Variants in IGF2R observed in about 807,000 individuals in gnomAD.
IGF2R encodes cation-independent mannose-6-phosphate receptor.
A neutral mutation model predicts 270.6 loss-of-function variants in IGF2R; 91 were observed. The ratio of observed to expected loss-of-function variants is 0.34; its 90% CI spans 0.28 to 0.40. The LOEUF (loss-of-function observed/expected upper bound fraction) is 0.40, where lower values mean the gene tolerates loss of function less well. IGF2R is among the 10% of genes least tolerant of loss of function. The pLI is 1.00. For synonymous variants in IGF2R, 1,316 were observed against 1,258.9 expected, an observed-to-expected ratio of 1.05 and a Z score of -0.96; for missense variants, 2,805 against 3,188.3, an observed-to-expected ratio of 0.88 and a Z score of 2.90.
chr6:160,064,253 A>G, intron 27 of IGF2R, 148 bp from the exon 28 acceptor site: 3 of 892,556 alleles, frequency 3.4e-6, no homozygotes, highest in South Asian at 1.4e-5. Flanking sequence ...CCAAAGTGTA[A>G]TGTGACAGGA....
rs1221030906 is a variant in IGF2R at position 160,058,076 on chromosome 6, A to G, written c.2850A>G (p.Leu950=). ...GATTTGTGTTTAATCTTAATCCGCT[A>G]AACAGTTCGCAAGGATATAACGTCT... ...NSGFVFNLNP[L]NSSQGYNVSG... is the part of the protein sequence containing the mutation. The change falls in exon 21 of 48, where the codon CTA becomes CTG. Residue 950 remains leucine (L), a synonymous_variant. Coordinates refer to ENST00000356956, the MANE Select transcript of IGF2R (RefSeq NM_000876.4). 5 of 1,613,860 alleles carry G rather than the reference A, an allele frequency of 3.1e-6. No homozygotes were observed. Among genetic ancestry groups the G allele is most frequent in the South Asian group, 1.1e-5 (1 of 91,066 alleles).
At chr6:159,975,742 T>TTA (rs201752009) in intron 1 of IGF2R, among the ~76,000 whole-genome samples, 8 of 147,152 alleles carry the variant, frequency 5.4e-5, no homozygotes, top group Non-Finnish European at 8.9e-5. Flanking sequence ...AGCATATTTA[T>TTA]TATATATATA....
At chr6:160,003,463 G>A (rs1784161519) in intron 2 of IGF2R, 1 of 152,152 alleles carries the variant, frequency 6.6e-6, no homozygotes, top group Non-Finnish European at 1.5e-5. Context: ...ACTATATGTA[G>A]ATATTTGTAC....
At chr6:160,066,012 G>GTTT (rs561582188) in intron 29 of IGF2R, among the ~76,000 whole-genome samples, 1 of 118,356 alleles carries the variant, frequency 8.4e-6, no homozygotes, top group Non-Finnish European at 1.8e-5. Flanking sequence ...TTTTTGTGGT[G>GTTT]TTTTTTTTTT....
In IGF2R at chr6:160,062,632, C is replaced by T. The variant is rs746920694; in HGVS notation, c.3670+13C>T. On this transcript the variant is annotated intron_variant, in intron 26 of 47. Coordinates refer to ENST00000356956, the MANE Select transcript of IGF2R (RefSeq NM_000876.4). ...GTCAGAGTGGAAGGTAGGACTGGGC[C>T]TGTCCCTACAAGTCATTTTAAATGT... The T allele has an allele frequency of 6.3e-7, 1 of 1,592,222 alleles. No individual in the cohort carries two copies. Among genetic ancestry groups the T allele is most frequent in the East Asian group, 2.2e-5 (1 of 44,768 alleles).
At chr6:160,054,221 G>C (rs1398066775) in intron 19 of IGF2R, among the ~76,000 whole-genome samples, 1 of 152,224 alleles carries the variant, frequency 6.6e-6, no homozygotes, top group Non-Finnish European at 1.5e-5. Context: ...TATTCAGCAG[G>C]TTACAGGAGC....
intron 4 of IGF2R, among the ~76,000 whole-genome samples, chr6:160,022,303 A>T (rs1408694546): frequency 1.3e-5 from 2 of 152,222 alleles, no homozygotes; most frequent in Admixed American, 6.5e-5. Flanking sequence ...TACAATGTAC[A>T]GTATTCCAGT....
rs555097145 is a variant in IGF2R, at chr6:159,998,763, A to T, written c.289+7440A>T. 2.3e-4 allele frequency among the ~76,000 whole-genome samples: 35 copies of T among 152,328 alleles called. No homozygotes were observed. The South Asian group carries it at 7.0e-3, about 31-fold the overall frequency. On this transcript the variant is annotated intron_variant, in intron 2 of 47. Coordinates refer to ENST00000356956, the MANE Select transcript of IGF2R (RefSeq NM_000876.4). The surrounding 1 kb of genome is among the most constrained non-coding windows in gnomAD (Gnocchi z 4.1). ...TCTTCAACTGGAGAGAGCAGTTTGT[A>T]TGAGTCAATGAGAGTGACATTCACA...
intron 6 of IGF2R, among the ~76,000 whole-genome samples, chr6:160,028,849 T>G (rs1188571545): frequency 6.6e-6 from 1 of 152,150 alleles, no homozygotes; most frequent in African/African-American, 2.4e-5. Context: ...TTTAATTTTG[T>G]TATCTCATTT....
chr6:160,010,139 C>T (rs534578879), intron 3 of IGF2R, among the ~76,000 whole-genome samples: 8 of 152,282 alleles, frequency 5.3e-5, no homozygotes, highest in African/African-American at 1.4e-4. Context: ...TAGACTTGCA[C>T]GTGGGAGTGA....
chr6:160,078,221 G>C lies in IGF2R; in HGVS notation c.5337G>C (p.Arg1779Ser). 1 of 1,614,196 alleles carries C rather than the reference G, an allele frequency of 6.2e-7. No individual in the cohort carries two copies. ...AACAGGGAACGCCTAAGCTGTTAAG[G>C]ACCAGCGAGTGCGACTTTGTGTTCG... is the stretch of plus-strand genomic sequence containing the variant. ...GVSMGTPKLL[R>S]TSECDFVFEW... is the part of the protein sequence containing the mutation. Residue 1779 changes from arginine to serine, a missense_variant, in exon 37 of 48, where the codon AGG (arginine) becomes AGC (serine). By Grantham distance (110) the Arg-to-Ser change is moderately radical. This residue lies in a region of IGF2R where 1,851 missense variants were observed against 2,207.2 expected (regional missense o/e 0.84). Coordinates refer to ENST00000356956, the MANE Select transcript of IGF2R (RefSeq NM_000876.4).
rs9347379 is a variant in IGF2R at position 160,005,252 on chromosome 6, C to T, written c.290-3758C>T. ...CTCTGCCGGCGAGTCTTAGGGGTTC[C>T]GGCGGGCAGCCGCGTGAACCTGGAG... On this transcript the variant is annotated intron_variant, in intron 2 of 47. Transcript: ENST00000356956. 946 of 152,658 alleles carry T rather than the reference C, an allele frequency of 6.2e-3. 10 individuals carry two copies. Among genetic ancestry groups the T allele is most frequent in the East Asian group, 0.027 (138 of 5,178 alleles). 9.5% of individuals were successfully genotyped at this position (152,658 alleles called of 1,614,324 possible).
In IGF2R at chr6:160,029,593, T is replaced by G; in HGVS notation, c.820T>G (p.Phe274Val). The part of the protein sequence containing the change: ...YVREEAGKLD[F>V]CDGHSPAVTI... Reference sequence around the variant, plus strand: ...GAGGGAAGAGGCAGGAAAGCTAGACTTTTGTGATGGTCACAGCCCTGCGGT... The same window carrying G: ...GAGGGAAGAGGCAGGAAAGCTAGACGTTTGTGATGGTCACAGCCCTGCGGT... The change falls in exon 7 of 48, where the codon TTT becomes GTT. Residue 274 changes from phenylalanine to valine, a missense_variant. By Grantham distance (50) the Phe-to-Val change is conservative (BLOSUM62 -1). Coordinates refer to ENST00000356956, the MANE Select transcript of IGF2R (RefSeq NM_000876.4). The G allele has an allele frequency of 6.2e-7, 1 of 1,614,174 alleles. No homozygotes were observed. Among genetic ancestry groups the G allele is most frequent in the Non-Finnish European group, 8.5e-7 (1 of 1,180,010 alleles).
At chr6:160,072,924 G>A (rs772493537) in intron 33 of IGF2R, 40 bp downstream of exon 33, 29 of 1,574,310 alleles carry the variant, frequency 1.8e-5, no homozygotes, top group Admixed American at 3.6e-5. Flanking sequence ...TGACTCTCCC[G>A]TCCTCTGGGG....
intron 2 of IGF2R, among the ~76,000 whole-genome samples, chr6:160,001,996 G>C (rs908225306): frequency 6.6e-6 from 1 of 152,138 alleles, no homozygotes; most frequent in South Asian, 2.1e-4. Context: ...TTGATGGGAA[G>C]CTTTACCAGA....
intron 10 of IGF2R, among the ~76,000 whole-genome samples, chr6:160,039,641 G>C (rs775158224): frequency 1.3e-5 from 2 of 152,152 alleles, no homozygotes; most frequent in African/African-American, 4.8e-5. Context: ...CCTAGCTTAT[G>C]ATACCAAACC....
In IGF2R at chr6:160,061,571, A is replaced by G; in HGVS notation, c.3331A>G (p.Thr1111Ala). The change falls in exon 24 of 48, where the codon ACC (threonine) becomes GCC (alanine). Residue 1111 changes from threonine (T) to alanine (A), a missense_variant. Thr to Ala is a moderately conservative substitution (Grantham distance 58, BLOSUM62 0). Coordinates refer to ENST00000356956, the MANE Select transcript of IGF2R (RefSeq NM_000876.4). ...CAGGAAACCTTGGACGGCTGTTGACACCTCTGTCGATGGGAGAAAGAGGAC... is the reference window on the plus strand; with the variant it reads ...CAGGAAACCTTGGACGGCTGTTGACGCCTCTGTCGATGGGAGAAAGAGGAC... ...TVRKPWTAVDTSVDGRKRTFY... is the reference protein window; with the variant it reads ...TVRKPWTAVDASVDGRKRTFY... 6.2e-7 allele frequency: 1 copy of G among 1,613,804 alleles called. No homozygotes were observed. The highest frequency in any genetic ancestry group is 1.1e-5 in the South Asian group (1 of 91,080).
chr6:159,972,589 T>G (rs1783626735), intron 1 of IGF2R, among the ~76,000 whole-genome samples: 1 of 152,186 alleles, frequency 6.6e-6, no homozygotes. Context: ...TCATCTGCAG[T>G]CGCTTAGACC....
In IGF2R at chr6:160,105,426, T is replaced by C. The variant is rs1779593108; in HGVS notation, c.*342T>C. The C allele has an allele frequency of 4.9e-6, 1 of 204,584 alleles. No individual in the cohort carries two copies. The highest frequency in any genetic ancestry group is 2.3e-5 in the African/African-American group (1 of 43,386). The allele number at this position is 204,584 out of a possible 1,614,324, so 12.7% of individuals were successfully genotyped here. ...TTGCTGCTTTAGTCCCGATAGGGTA[T>C]TTGACCCCGATATATTTTAGCATTT... On this transcript the variant is annotated 3_prime_UTR_variant, in exon 48 of 48. Transcript: ENST00000356956.
Sources: allele counts gnomAD v4.1 joint callset (sites outside exome capture counted in the v4.1 genomes callset), GRCh38; gene constraint gnomAD v4.1.1; regional missense constraint gnomAD v4.1.1; non-coding constraint Gnocchi (gnomAD v3.1); transcripts MANE v1.5; gene names NCBI Gene and HGNC (gene_info 2026-07-23, HGNC 2026-07-21).